Variants in HIVEP1 observed in about 807,000 individuals in gnomAD.
The protein encoded by HIVEP1 is HIVEP zinc finger 1.
HIVEP1 carries 36 observed loss-of-function variants against 180.0 expected under a neutral mutation model. The observed-to-expected ratio is 0.20, with a 90% CI of 0.15 to 0.26. The LOEUF (loss-of-function observed/expected upper bound fraction) is 0.26. Ranked by LOEUF, HIVEP1 falls within the 10% of genes least tolerant of loss-of-function variation. The pLI, the probability that HIVEP1 is intolerant of heterozygous loss-of-function variation, is 1.00. For synonymous variants in HIVEP1, 1,239 were observed against 1,239.0 expected (o/e 1.00, Z 0.00); for missense variants, 3,143 against 3,268.7 (o/e 0.96, Z 0.94).
At chr6:12,202,362 C>G in the HIVEP1 span, among the ~76,000 whole-genome samples, 1 of 152,126 alleles carries the variant, frequency 6.6e-6, no homozygotes, top group South Asian at 2.1e-4. Context: ...TGTTCTCAAA[C>G]TCCTGGGCTC....
chr6:12,028,620 T>A (rs1308828101), intron 2 of HIVEP1, among the ~76,000 whole-genome samples: 2 of 152,244 alleles, frequency 1.3e-5, no homozygotes, highest in Non-Finnish European at 2.9e-5. Context: ...TTGATGGATA[T>A]GCTCCTTCAT....
At chr6:12,182,890 T>G in the HIVEP1 span, among the ~76,000 whole-genome samples, 1 of 152,184 alleles carries the variant, frequency 6.6e-6, no homozygotes, top group African/African-American at 2.4e-5. Context: ...GCATGAGTAC[T>G]GCAGGATGTG....
At chr6:12,199,360 CTT>C in the HIVEP1 span, among the ~76,000 whole-genome samples, 62 of 109,390 alleles carry the variant, frequency 5.7e-4, no homozygotes, top group East Asian at 1.2e-3. Flanking sequence ...ACTGTCAATC[CTT>C]TTTTTTTTTT....
Position 12,024,349 on chromosome 6 carries a change from T to TG in HIVEP1, c.40+8682dup, listed in dbSNP as rs1647551470. Among the ~76,000 whole-genome samples, 3 of 152,244 alleles carry TG rather than the reference T, an allele frequency of 2.0e-5. No individual in the cohort carries two copies. The South Asian group carries it at 6.2e-4, about 32-fold the overall frequency. ...TGTTCTAGAAAATATTCTAAGGCTG[T>TG]GCTGTGATGCAAACATATTGAAAAA... On this transcript the variant is annotated intron_variant, in intron 2 of 8. Coordinates refer to ENST00000379388, the MANE Select transcript of HIVEP1 (RefSeq NM_002114.4).
At chr6:12,183,163 G>A in the HIVEP1 span, among the ~76,000 whole-genome samples, 3 of 152,064 alleles carry the variant, frequency 2.0e-5, no homozygotes, top group Non-Finnish European at 4.4e-5. Context: ...AAGCCAAAAC[G>A]AAACAAGAGA....
intron 2 of HIVEP1, among the ~76,000 whole-genome samples, chr6:12,033,321 C>A (rs537415418): frequency 7.5e-6 from 1 of 133,612 alleles, no homozygotes; most frequent in African/African-American, 3.1e-5. Context: ...AGTAGAGGAG[C>A]ATGTGTGTGT....
chr6:12,187,362 C>T, the HIVEP1 span, among the ~76,000 whole-genome samples: 2 of 152,164 alleles, frequency 1.3e-5, no homozygotes, highest in African/African-American at 4.8e-5. Context: ...AATGCCCTCC[C>T]TGTGGGGTGG....
intron 2 of HIVEP1, among the ~76,000 whole-genome samples, chr6:12,064,570 T>C (rs892644847): frequency 7.9e-5 from 12 of 152,350 alleles, no homozygotes; most frequent in Admixed American, 5.2e-4. Flanking sequence ...TGTATCTGCA[T>C]GTGTCTGTCT....
intron 1 of HIVEP1, among the ~76,000 whole-genome samples, chr6:12,013,487 T>C (rs562723034): frequency 1.3e-5 from 2 of 152,258 alleles, no homozygotes; most frequent in East Asian, 3.9e-4. Flanking sequence ...GGACAGTGGG[T>C]AGGCAATGAA....
In HIVEP1 at chr6:12,120,685, A is replaced by G; in HGVS notation, c.890A>G (p.His297Arg). 6.8e-6 allele frequency: 11 copies of G among 1,614,228 alleles called. No homozygotes were observed. Among genetic ancestry groups the G allele is most frequent in the Non-Finnish European group, 9.3e-6 (11 of 1,180,038 alleles). The change falls in exon 4 of 9, where the codon CAT becomes CGT. Residue 297 changes from histidine to arginine, a missense_variant. This residue lies in a region of HIVEP1 where 306 missense variants were observed against 310.6 expected (regional missense o/e 0.99). Coordinates refer to ENST00000379388, the MANE Select transcript of HIVEP1 (RefSeq NM_002114.4). ...CACTTTGTTCCCAAATCCAACCAAC[A>G]TAATCAACAGCTTCCGGGGTGTTCA... ...HEHFVPKSNQ[H>R]NQQLPGCSGF...
At chr6:12,138,332 T>A (rs1397009181) in intron 7 of HIVEP1, among the ~76,000 whole-genome samples, 1 of 152,208 alleles carries the variant, frequency 6.6e-6, no homozygotes, top group Non-Finnish European at 1.5e-5. Flanking sequence ...GTCTTTCTGG[T>A]TTATTGATTA....
At chr6:12,176,455 C>T in the HIVEP1 span, among the ~76,000 whole-genome samples, 2 of 152,202 alleles carry the variant, frequency 1.3e-5, no homozygotes, top group South Asian at 2.1e-4. Context: ...TGATCTCTAA[C>T]TCCTGACCTC....
At chr6:12,017,598 T>G (rs2113579191) in intron 2 of HIVEP1, among the ~76,000 whole-genome samples, 1 of 152,328 alleles carries the variant, frequency 6.6e-6, no homozygotes, top group East Asian at 1.9e-4. Flanking sequence ...ATCCTGCTGA[T>G]TGGTCCGTTT....
chr6:12,073,805 A>G (rs951395298), intron 2 of HIVEP1, among the ~76,000 whole-genome samples: 1 of 152,140 alleles, frequency 6.6e-6, no homozygotes, highest in Non-Finnish European at 1.5e-5. Flanking sequence ...GATTTTCATC[A>G]TGTTAAAGGA....
chr6:12,171,872 G>T, the HIVEP1 span, among the ~76,000 whole-genome samples: 15 of 152,134 alleles, frequency 9.9e-5, no homozygotes, highest in East Asian at 2.7e-3. Flanking sequence ...TATGATTCAC[G>T]CCAATCCTCT....
intron 2 of HIVEP1, among the ~76,000 whole-genome samples, chr6:12,021,912 G>A (rs1768242675): frequency 6.6e-6 from 1 of 152,062 alleles, no homozygotes; most frequent in African/African-American, 2.4e-5. Flanking sequence ...TGATCCACCC[G>A]CCTTGGTCTC....
intron 2 of HIVEP1, among the ~76,000 whole-genome samples, chr6:12,023,815 T>G (rs778447500): frequency 1.6e-4 from 25 of 152,232 alleles, no homozygotes; most frequent in Non-Finnish European, 3.2e-4. Context: ...AACATTTTTG[T>G]ACAAAATATG....
chr6:12,190,809 C>A, the HIVEP1 span, among the ~76,000 whole-genome samples: 4 of 152,150 alleles, frequency 2.6e-5, no homozygotes, highest in Non-Finnish European at 5.9e-5. Flanking sequence ...CGACACATTG[C>A]AACTGGGTTG....
At chr6:12,131,340 A>G (rs1353076671) in intron 6 of HIVEP1, among the ~76,000 whole-genome samples, 5 of 151,988 alleles carry the variant, frequency 3.3e-5, no homozygotes, top group Non-Finnish European at 5.9e-5. Flanking sequence ...GAAAGATTTA[A>G]AATAATAACT....
Sources: allele counts gnomAD v4.1 joint callset (sites outside exome capture counted in the v4.1 genomes callset), GRCh38; gene constraint gnomAD v4.1.1; regional missense constraint gnomAD v4.1.1; transcripts MANE v1.5; gene names NCBI Gene and HGNC (gene_info 2026-07-23, HGNC 2026-07-21).